CDK14: variants seen among roughly 807,000 people sequenced by gnomAD.
The protein encoded by CDK14 is cyclin dependent kinase 14.
CDK14 carries 34 observed loss-of-function variants against 60.7 expected under a neutral mutation model. The ratio of observed to expected loss-of-function variants is 0.56; its 90% CI spans 0.43 to 0.75. The LOEUF is 0.75. CDK14 is among the 30% of genes least tolerant of loss of function. The pLI, the probability that CDK14 is intolerant of heterozygous loss-of-function variation, is 0.00. For synonymous variants in CDK14, 197 were observed against 203.7 expected (o/e 0.97, Z 0.28); for missense variants, 482 against 564.1 (o/e 0.85, Z 1.47).
chr7:91,073,178 A>C lies in CDK14; in HGVS notation c.1106-6254A>C, dbSNP rs560727346. On this transcript the variant is annotated intron_variant, in intron 11 of 14. Transcript: ENST00000380050. ...TCAGGAAATACAGAGAACACCATAA[A>C]GATACCAACCCCAAGACACATGATC... Among the ~76,000 whole-genome samples the C allele has an allele frequency of 4.0e-5, 6 of 151,482 alleles. No homozygotes were observed. The East Asian group carries it at 5.8e-4, about 15-fold the overall frequency.
intron 2 of CDK14, among the ~76,000 whole-genome samples, chr7:90,706,191 A>G (rs1474264734): frequency 6.6e-6 from 1 of 152,150 alleles, no homozygotes; most frequent in East Asian, 1.9e-4. Flanking sequence ...ATGGCCTCTA[A>G]TAAAGATATT....
chr7:90,837,975 A>T (rs897672495), intron 5 of CDK14, among the ~76,000 whole-genome samples: 1 of 152,092 alleles, frequency 6.6e-6, no homozygotes. Flanking sequence ...CATATGTAGG[A>T]TGCCTGTTGT....
intron 5 of CDK14, among the ~76,000 whole-genome samples, chr7:90,835,722 A>G (rs1390084029): frequency 2.0e-5 from 3 of 152,146 alleles, no homozygotes; most frequent in African/African-American, 7.2e-5. Context: ...TTGTGGGTAT[A>G]TATTAAGTCC....
intron 6 of CDK14, among the ~76,000 whole-genome samples, chr7:90,889,830 T>C (rs1306217938): frequency 5.3e-5 from 8 of 152,194 alleles, no homozygotes; most frequent in African/African-American, 1.9e-4. Context: ...GAGTGTTTGA[T>C]GATGAAATAG....
intron 5 of CDK14, among the ~76,000 whole-genome samples, chr7:90,805,378 G>A (rs1476123278): frequency 6.6e-6 from 1 of 151,790 alleles, no homozygotes; most frequent in Non-Finnish European, 1.5e-5. Context: ...CGTTACAAAA[G>A]CTAACACCTA....
intron 12 of CDK14, among the ~76,000 whole-genome samples, 200 bp from the exon 13 acceptor site, chr7:91,112,334 ATTATACTG>A (rs145868215): frequency 0.014 from 2,172 of 152,238 alleles, 29 homozygotes; most frequent in South Asian, 0.026. Context: ...TTTTAAATCA[ATTATACTG>A]TTATACCTAG....
chr7:90,803,062 T>G (rs1195742906), intron 5 of CDK14, among the ~76,000 whole-genome samples: 1 of 151,934 alleles, frequency 6.6e-6, no homozygotes, highest in Non-Finnish European at 1.5e-5. Context: ...GGTGCTTGGA[T>G]AGGGAATATT....
intron 11 of CDK14, among the ~76,000 whole-genome samples, chr7:91,061,406 A>G (rs1427954891): frequency 6.6e-6 from 1 of 152,168 alleles, no homozygotes; most frequent in Non-Finnish European, 1.5e-5. Context: ...AATTCGTCAA[A>G]GTCATTCTCC....
At chr7:90,706,731 A>C (rs375392477) in intron 2 of CDK14, among the ~76,000 whole-genome samples, 1 of 152,140 alleles carries the variant, frequency 6.6e-6, no homozygotes, top group African/African-American at 2.4e-5. Context: ...AACATTCCTG[A>C]GAAACCAGCT....
intron 2 of CDK14, among the ~76,000 whole-genome samples, chr7:90,622,348 A>G (rs1190142736): frequency 6.6e-6 from 1 of 152,206 alleles, no homozygotes; most frequent in African/African-American, 2.4e-5. Context: ...CTGTGTGGTA[A>G]TGTTTTTGCT....
chr7:90,846,744 G>A (rs180915784), intron 5 of CDK14, among the ~76,000 whole-genome samples: 31 of 152,106 alleles, frequency 2.0e-4, no homozygotes, highest in African/African-American at 7.5e-4. Flanking sequence ...CACTTCCCTC[G>A]GTTTTATGAG....
At chr7:90,991,816 G>A (rs1008628970) in intron 10 of CDK14, among the ~76,000 whole-genome samples, 4 of 152,182 alleles carry the variant, frequency 2.6e-5, no homozygotes, top group African/African-American at 9.6e-5. Flanking sequence ...ATGCTGGAGT[G>A]AAGGTGGGTA....
rs1374754833 is a variant in CDK14 at position 90,621,659 on chromosome 7, TCCTTCCTTCCTG to T, written c.123+17418_123+17429del. Among the ~76,000 whole-genome samples, 240 of 137,102 alleles carry T rather than the reference TCCTTCCTTCCTG, an allele frequency of 1.8e-3. 1 individual carries two copies. Among genetic ancestry groups the T allele is most frequent in the Non-Finnish European group, 2.2e-3 (140 of 62,402 alleles). The allele number at this position is 137,102 out of a possible 152,430, so 89.9% of individuals were successfully genotyped here. A position where few individuals can be genotyped will look rare whatever the true frequency, so the allele number is the denominator to read the frequency against. On this transcript the variant is annotated intron_variant, in intron 2 of 14. Coordinates refer to ENST00000380050, the MANE Select transcript of CDK14 (RefSeq NM_001287135.2). The stretch of plus-strand genomic sequence containing the variant: ...TTCCTTCCTTCCTTCCTTCCTTCCT[TCCTTCCTTCCTG>T]CCTTCCTGCCTTCCTGCCTTCCTTC...
chr7:90,673,791 A>T (rs904716912), intron 2 of CDK14, among the ~76,000 whole-genome samples: 1 of 152,190 alleles, frequency 6.6e-6, no homozygotes, highest in African/African-American at 2.4e-5. Flanking sequence ...CTTTGCTTTC[A>T]TAGTTACTGC....
In CDK14 at chr7:90,604,192, GTTTCCT is replaced by G; in HGVS notation, c.92-18_92-13del. 6.8e-7 allele frequency: 1 copy of G among 1,480,992 alleles called. No homozygotes were observed. Among genetic ancestry groups the G allele is most frequent in the Non-Finnish European group, 9.2e-7 (1 of 1,091,174 alleles). The allele number at this position is 1,480,992 out of a possible 1,614,324, so 91.7% of individuals were successfully genotyped here. On this transcript the variant is annotated intron_variant, in intron 1 of 14. Transcript: ENST00000380050. ...CTCTTTGGAATTTTTCACAATAACT[GTTTCCT>G]TTTCCTTCTTATTTTATAGCTTTGA...
intron 5 of CDK14, among the ~76,000 whole-genome samples, chr7:90,837,413 G>T (rs985742287): frequency 6.6e-6 from 1 of 151,208 alleles, no homozygotes; most frequent in African/African-American, 2.4e-5. Context: ...TCAGCCTCCC[G>T]AGTAGCTGGG....
intron 11 of CDK14, among the ~76,000 whole-genome samples, chr7:91,060,077 T>G (rs1375474222): frequency 6.6e-6 from 1 of 152,196 alleles, no homozygotes; most frequent in Non-Finnish European, 1.5e-5. Context: ...GCTTTATGAA[T>G]CTGGGTGCTC....
chr7:90,787,236 T>A (rs1805629974), intron 4 of CDK14, among the ~76,000 whole-genome samples: 1 of 152,222 alleles, frequency 6.6e-6, no homozygotes, highest in South Asian at 2.1e-4. Flanking sequence ...TAGTGGTCTT[T>A]GCTCAGATTA....
intron 5 of CDK14, among the ~76,000 whole-genome samples, chr7:90,820,086 A>G (rs1789490437): frequency 6.6e-6 from 1 of 152,042 alleles, no homozygotes; most frequent in Admixed American, 6.6e-5. Context: ...GGGTTGCCAG[A>G]TTAGATTTTG....
Sources: gnomAD v4.1 joint callset for allele counts (sites outside exome capture counted in the v4.1 genomes callset) on GRCh38, gnomAD v4.1.1 for gene constraint, MANE v1.5 for transcripts, NCBI Gene and HGNC (gene_info 2026-07-23, HGNC 2026-07-21) for gene names.